DNAH8: variants seen among roughly 807,000 people sequenced by gnomAD.
DNAH8 encodes axonemal beta dynein heavy chain 8.
In DNAH8, 382 loss-of-function variants were observed where a neutral mutation model predicts 562.1. That is an observed-to-expected ratio of 0.68 (90% CI 0.63 to 0.74). The LOEUF (loss-of-function observed/expected upper bound fraction) is 0.74, where lower values mean the gene tolerates loss of function less well. DNAH8 is among the 30% of genes least tolerant of loss of function. The pLI is 0.00. For missense variants in DNAH8, 5,203 were observed against 5,620.4 expected (o/e 0.93, Z 2.37); for synonymous variants, 1,881 against 1,919.4 (o/e 0.98, Z 0.52).
chr6:38,760,655 A>G (rs1582929550), intron 10 of DNAH8, among the ~76,000 whole-genome samples: 2 of 152,112 alleles, frequency 1.3e-5, no homozygotes, highest in East Asian at 3.9e-4. Context: ...GGGGCCTGGC[A>G]GGAAGTGTCT....
chr6:38,982,277 CTG>C, intron 85 of DNAH8, 67 bp from the exon 86 acceptor site: 1 of 682,082 alleles, frequency 1.5e-6, no homozygotes, highest in East Asian at 2.5e-5. Context: ...CTTAATTTTA[CTG>C]TATTTTGATA....
At chr6:39,003,015 G>A (rs756731540) in intron 88 of DNAH8, among the ~76,000 whole-genome samples, 1 of 152,184 alleles carries the variant, frequency 6.6e-6, no homozygotes, top group Non-Finnish European at 1.5e-5. Flanking sequence ...TGAAGACAGA[G>A]CATCTCCTCC....
At chr6:38,735,492 CT>C (rs1176893399) in intron 5 of DNAH8, among the ~76,000 whole-genome samples, 1 of 152,118 alleles carries the variant, frequency 6.6e-6, no homozygotes, top group Non-Finnish European at 1.5e-5. Context: ...GGTAATCTGT[CT>C]TTTTTTCTTT....
rs1398908926 is a variant in DNAH8 at position 38,870,400 on chromosome 6, G to C, written c.6829-1G>C. On this transcript the variant is annotated splice_acceptor_variant, in intron 48 of 92. Coordinates refer to ENST00000327475, the MANE Select transcript of DNAH8 (RefSeq NM_001206927.2). LOFTEE classifies it high-confidence loss of function. ...ATTTATTTTAAACTATGCCACCTTAGGTTGATGAAGATGAACCCCTGTTCC... is the reference window on the plus strand; with the variant it reads ...ATTTATTTTAAACTATGCCACCTTACGTTGATGAAGATGAACCCCTGTTCC... The C allele has an allele frequency of 5.0e-6, 8 of 1,612,212 alleles. No homozygotes were observed. Among genetic ancestry groups the C allele is most frequent in the East Asian group, 2.2e-5 (1 of 44,852 alleles).
At chr6:38,967,702 T>C (rs1398320615) in intron 82 of DNAH8, among the ~76,000 whole-genome samples, 1 of 152,042 alleles carries the variant, frequency 6.6e-6, no homozygotes, top group African/African-American at 2.4e-5. Context: ...ACTCATCTAA[T>C]AGATCAAGAG....
At position 38,945,455 on chromosome 6, in the gene DNAH8, G is replaced by A. The variant is rs771675984; in HGVS notation, c.12008-12G>A. ...GCTTACCCAATTCACCCTGTCTGAC[G>A]CTCTTCCCCAGGGGGAGCAGCTCTG... is the stretch of plus-strand genomic sequence containing the variant. On this transcript the variant is annotated splice_polypyrimidine_tract_variant and intron_variant, in intron 79 of 92. Transcript: ENST00000327475. 3 of 1,613,820 alleles carry A rather than the reference G, an allele frequency of 1.9e-6. No homozygotes were observed. Among genetic ancestry groups the A allele is most frequent in the Admixed American group, 1.7e-5 (1 of 60,018 alleles).
chr6:38,952,660 G>A (rs1312331669), intron 82 of DNAH8, among the ~76,000 whole-genome samples: 3 of 152,010 alleles, frequency 2.0e-5, no homozygotes, highest in Non-Finnish European at 4.4e-5. Context: ...ACCAAGCTAC[G>A]GTAGCATGGT....
At chr6:38,891,451 T>C (rs1283228000) in intron 58 of DNAH8, among the ~76,000 whole-genome samples, 1 of 152,268 alleles carries the variant, frequency 6.6e-6, no homozygotes, top group African/African-American at 2.4e-5. Flanking sequence ...ATTATACACA[T>C]GTGGGCACGC....
rs6930771 is a variant in DNAH8, at chr6:38,974,186, A to G, written c.12679-188A>G. ...TGCTCCAAAATCTGAAACATTCTCA[A>G]TGCCAATAGAATGCTCAAAGGCAAT... On this transcript the variant is annotated intron_variant, in intron 84 of 92. Coordinates refer to ENST00000327475, the MANE Select transcript of DNAH8 (RefSeq NM_001206927.2). 0.14 allele frequency among the ~76,000 whole-genome samples: 21,085 copies of G among 152,248 alleles called. 1,670 individuals are homozygous for G. Among genetic ancestry groups the G allele is most frequent in the Middle Eastern group, 0.21 (61 of 294 alleles).
intron 5 of DNAH8, among the ~76,000 whole-genome samples, chr6:38,735,277 A>G (rs1763992288): frequency 6.6e-6 from 1 of 152,224 alleles, no homozygotes; most frequent in Admixed American, 6.5e-5. Flanking sequence ...TGTTATTCTT[A>G]GAGAGTCTTA....
intron 80 of DNAH8, among the ~76,000 whole-genome samples, chr6:38,948,341 A>AT (rs1185712330): frequency 4.0e-5 from 6 of 151,128 alleles, no homozygotes; most frequent in South Asian, 2.1e-4. Context: ...TAATTTTTTT[A>AT]TTTTTTTGTT....
chr6:38,807,610 G>T lies in DNAH8; in HGVS notation c.3151G>T (p.Glu1051Ter). The change falls in exon 24 of 93, where the codon GAG (glutamate) becomes TAG (stop). Residue 1051 changes from glutamate (E) to a stop codon, truncating the protein, a stop_gained and splice_region_variant. Transcript: ENST00000327475. LOFTEE classifies it high-confidence loss of function. ...AATTTAATCTGATTTCTTATTACAGGAGTGTAAAGAGGTCTTTGCTTTTTT... is the reference window on the plus strand; with the variant it reads ...AATTTAATCTGATTTCTTATTACAGTAGTGTAAAGAGGTCTTTGCTTTTTT... Reference protein sequence around the residue: ...THDKEDEFKKECKEVFAFFSH... With the variant: ...THDKEDEFKK 6.8e-7 allele frequency: 1 copy of T among 1,471,020 alleles called. No homozygotes were observed. The highest frequency in any genetic ancestry group is 1.6e-5 in the South Asian group (1 of 64,352). 91.1% of individuals were successfully genotyped at this position (1,471,020 alleles called of 1,614,324 possible). A position where few individuals can be genotyped will look rare whatever the true frequency, so the allele number is the denominator to read the frequency against.
intron 85 of DNAH8, among the ~76,000 whole-genome samples, chr6:38,976,701 G>A (rs1763700300): frequency 6.6e-6 from 1 of 152,164 alleles, no homozygotes; most frequent in African/African-American, 2.4e-5. Flanking sequence ...GGAATGTTGT[G>A]GATTAGATTG....
chr6:38,752,020 T>C (rs1765495352), intron 9 of DNAH8, among the ~76,000 whole-genome samples: 1 of 152,212 alleles, frequency 6.6e-6, no homozygotes, highest in Non-Finnish European at 1.5e-5. Context: ...GGAAACCGAG[T>C]TTGAACATTT....
chr6:38,719,150 T>C (rs907440182), intron 1 of DNAH8, among the ~76,000 whole-genome samples: 26 of 152,208 alleles, frequency 1.7e-4, no homozygotes, highest in African/African-American at 5.8e-4. Flanking sequence ...AATTCTTGTC[T>C]GGGCTGGATT....
rs1318824191 is a variant in DNAH8, at chr6:38,938,880, A to G, written c.11899A>G (p.Arg3967Gly). The G allele has an allele frequency of 1.2e-6, 2 of 1,613,238 alleles. No individual in the cohort carries two copies. Among genetic ancestry groups the G allele is most frequent in the Non-Finnish European group, 1.7e-6 (2 of 1,179,318 alleles). Reference protein sequence around the residue: ...LTYEVFTYSVRGLYENHKFLF... With the variant: ...LTYEVFTYSVGGLYENHKFLF... ...ATATGAAGTTTTTACATACTCTGTC[A>G]GAGGCCTATACGAAAACCACAAATT... The change falls in exon 79 of 93, where the codon AGA becomes GGA. Residue 3967 changes from arginine (R) to glycine (G), a missense_variant. This residue lies in a region of DNAH8 where 1,399 missense variants were observed against 1,518.4 expected (regional missense o/e 0.92). Transcript: ENST00000327475.
chr6:38,885,062 G>T (rs1229355680), intron 56 of DNAH8, among the ~76,000 whole-genome samples: 1 of 152,190 alleles, frequency 6.6e-6, no homozygotes, highest in Non-Finnish European at 1.5e-5. Flanking sequence ...AAACAGTTCT[G>T]TATGGCCTGC....
chr6:38,939,108 A>G (rs774082224), intron 79 of DNAH8, 120 bp downstream of exon 79: 21 of 765,988 alleles, frequency 2.7e-5, no homozygotes, highest in Admixed American at 6.2e-5. Flanking sequence ...CGAAAGTTTA[A>G]TTAAGTTTTA....
chr6:38,783,125 C>A lies in DNAH8; in HGVS notation c.2381C>A (p.Ser794Ter). Residue 794 changes from serine (S) to a stop codon, truncating the protein, a stop_gained, in exon 17 of 93, where the codon TCA (serine) becomes TAA (stop). Coordinates refer to ENST00000327475, the MANE Select transcript of DNAH8 (RefSeq NM_001206927.2). LOFTEE classifies it high-confidence loss of function. ...VYHTAWIREI[S>*]QLHYALQATL... Reference sequence around the variant, plus strand: ...CACACAGCCTGGATCAGAGAGATTTCACAGTTGCATTACGGTGTGTATAAC... The same window carrying A: ...CACACAGCCTGGATCAGAGAGATTTAACAGTTGCATTACGGTGTGTATAAC... The A allele has an allele frequency of 1.2e-6, 2 of 1,613,942 alleles. No homozygotes were observed. The highest frequency in any genetic ancestry group is 1.7e-5 in the Admixed American group (1 of 60,002).
Sources: gnomAD v4.1 joint callset for allele counts (sites outside exome capture counted in the v4.1 genomes callset) on GRCh38, gnomAD v4.1.1 for gene constraint, gnomAD v4.1.1 regional missense constraint, MANE v1.5 for transcripts, NCBI Gene and HGNC (gene_info 2026-07-23, HGNC 2026-07-21) for gene names.